The following RSU1 variants were observed in gnomAD, a reference collection of about 807,000 sequenced individuals.
The protein encoded by RSU1 is rsu-1.
RSU1 carries 26 observed loss-of-function variants against 31.1 expected under a neutral mutation model. That is an observed-to-expected ratio of 0.84 (90% CI 0.61 to 1.16). RSU1 has a LOEUF of 1.16. RSU1 is among the 50% of genes most tolerant of loss of function. RSU1 has a pLI of 0.00. For missense variants in RSU1, 320 were observed against 339.1 expected, an observed-to-expected ratio of 0.94 and a Z score of 0.44; for synonymous variants, 164 against 136.3, an observed-to-expected ratio of 1.20 and a Z score of -1.41.
At chr10:16,604,702 G>A (rs1275669194) in intron 8 of RSU1, among the ~76,000 whole-genome samples, 6 of 152,084 alleles carry the variant, frequency 3.9e-5, no homozygotes, top group East Asian at 1.9e-4. Flanking sequence ...TTTAAATACC[G>A]TGATGTGACT....
rs561479869 is a variant in RSU1 at position 16,815,127 on chromosome 10, G to A, written c.109+1846C>T. ...TAATGACCATGGTCATGGCAGAGCC[G>A]GGCAGGCGCAGCAAGGGGCAAACTC... On this transcript the variant is annotated intron_variant, in intron 2 of 8. Coordinates refer to ENST00000345264, the MANE Select transcript of RSU1 (RefSeq NM_012425.4). Among the ~76,000 whole-genome samples the A allele has an allele frequency of 1.4e-4, 22 of 152,294 alleles. 1 individual carries two copies. Among genetic ancestry groups the A allele is most frequent in the East Asian group, 1.2e-3 (6 of 5,184 alleles).
At chr10:16,755,066 C>A in intron 4 of RSU1, 77 bp from the exon 5 acceptor site, 1 of 804,268 alleles carries the variant, frequency 1.2e-6, no homozygotes, top group South Asian at 1.6e-5. Flanking sequence ...ACCTCTGTTT[C>A]AGACGCTGAA....
intron 8 of RSU1, among the ~76,000 whole-genome samples, chr10:16,668,323 C>T (rs1835038679): frequency 6.6e-6 from 1 of 152,172 alleles, no homozygotes; most frequent in African/African-American, 2.4e-5. Flanking sequence ...GACCTAAAAT[C>T]TGCAGAACAG....
At chr10:16,630,725 T>G (rs1030212246) in intron 8 of RSU1, among the ~76,000 whole-genome samples, 1 of 152,228 alleles carries the variant, frequency 6.6e-6, no homozygotes, top group African/African-American at 2.4e-5. Context: ...TATTTCTTCC[T>G]GGGTGGTACT....
At chr10:16,772,534 T>G (rs1837441050) in intron 3 of RSU1, among the ~76,000 whole-genome samples, 1 of 150,590 alleles carries the variant, frequency 6.6e-6, no homozygotes, top group African/African-American at 2.5e-5. Context: ...GAAATGGCAT[T>G]CAGTGGCCTG....
At chr10:16,653,016 C>T (rs113996742) in intron 8 of RSU1, among the ~76,000 whole-genome samples, 1 of 151,878 alleles carries the variant, frequency 6.6e-6, no homozygotes, top group Non-Finnish European at 1.5e-5. Context: ...ACATAGAGAA[C>T]AGAAAAATAT....
rs1225631423 is a variant in RSU1, at chr10:16,646,030, ATG to A, written c.731+48991_731+48992del. The stretch of plus-strand genomic sequence containing the variant: ...TGTATATACATATATGTGTATATAT[ATG>A]TGTATATACATATATGTGTATATAT... On this transcript the variant is annotated intron_variant, in intron 8 of 8. Coordinates refer to ENST00000345264, the MANE Select transcript of RSU1 (RefSeq NM_012425.4). Among the ~76,000 whole-genome samples, 2 of 75,968 alleles carry A rather than the reference ATG, an allele frequency of 2.6e-5. 1 individual carries two copies. The highest frequency in any genetic ancestry group is 4.8e-5 in the Non-Finnish European group (2 of 42,088). The allele number at this position is 75,968 out of a possible 152,430, so 49.8% of individuals were successfully genotyped here.
Position 16,667,046 on chromosome 10 carries a change from A to ACAG in RSU1, c.731+27976_731+27977insCTG, listed in dbSNP as rs1835005890. Among the ~76,000 whole-genome samples, 4 of 151,922 alleles carry ACAG rather than the reference A, an allele frequency of 2.6e-5. No homozygotes were observed. The South Asian group carries it at 8.3e-4, about 32-fold the overall frequency. ...AGCAAAACAAACAACAACAACAACA[A>ACAG]CAACAACAAAAAACAAAGAAAAAAA... On this transcript the variant is annotated intron_variant, in intron 8 of 8. Transcript: ENST00000345264.
chr10:16,653,959 C>G (rs1489657672), intron 8 of RSU1, among the ~76,000 whole-genome samples: 1 of 152,010 alleles, frequency 6.6e-6, no homozygotes, highest in Admixed American at 6.6e-5. Context: ...CCATACACCC[C>G]CAAGTAACCC....
At chr10:16,660,069 G>C (rs1834860523) in intron 8 of RSU1, among the ~76,000 whole-genome samples, 1 of 152,214 alleles carries the variant, frequency 6.6e-6, no homozygotes, top group African/African-American at 2.4e-5. Context: ...GATAGAGATA[G>C]TGTCTCTCTG....
intron 2 of RSU1, among the ~76,000 whole-genome samples, chr10:16,790,414 G>T (rs574350353): frequency 6.6e-6 from 1 of 152,166 alleles, no homozygotes; most frequent in Non-Finnish European, 1.5e-5. Flanking sequence ...CACCTAACAC[G>T]CTAGGTATAA....
At chr10:16,738,801 C>T (rs1380520303) in intron 7 of RSU1, among the ~76,000 whole-genome samples, 1 of 152,128 alleles carries the variant, frequency 6.6e-6, no homozygotes, top group East Asian at 1.9e-4. Context: ...ATCAACCCAT[C>T]AACTAGGTTT....
intron 7 of RSU1, among the ~76,000 whole-genome samples, chr10:16,739,466 CTTTTTTTTTT>C (rs35664560): frequency 5.3e-5 from 5 of 94,242 alleles, no homozygotes; most frequent in Admixed American, 1.4e-4. Context: ...CATTTTCTTC[CTTTTTTTTTT>C]TTTTTTTTTT....
intron 7 of RSU1, among the ~76,000 whole-genome samples, chr10:16,707,316 A>G (rs771409568): frequency 2.6e-5 from 4 of 151,994 alleles, no homozygotes; most frequent in Non-Finnish European, 5.9e-5. Context: ...GGATCTCCAT[A>G]CTCTTTTCCA....
At chr10:16,695,868 C>G (rs1835663692) in intron 7 of RSU1, among the ~76,000 whole-genome samples, 1 of 152,114 alleles carries the variant, frequency 6.6e-6, no homozygotes, top group African/African-American at 2.4e-5. Context: ...TCTCATACAC[C>G]TTCTACAGTG....
intron 7 of RSU1, among the ~76,000 whole-genome samples, chr10:16,744,977 A>C (rs1468038954): frequency 6.6e-6 from 1 of 152,148 alleles, no homozygotes; most frequent in Non-Finnish European, 1.5e-5. Context: ...CACAGGATAC[A>C]CTGACCAATC....
intron 8 of RSU1, among the ~76,000 whole-genome samples, chr10:16,598,849 T>C (rs1023725345): frequency 2.0e-5 from 3 of 152,188 alleles, no homozygotes; most frequent in Non-Finnish European, 4.4e-5. Flanking sequence ...GGTGAGCCTC[T>C]CTGGGCCTGA....
At chr10:16,811,658 G>C (rs1421138213) in intron 2 of RSU1, among the ~76,000 whole-genome samples, 3 of 152,184 alleles carry the variant, frequency 2.0e-5, no homozygotes, top group Non-Finnish European at 2.9e-5. Flanking sequence ...TTTCAATGAA[G>C]CATTTCCAGT....
rs140756094 is a variant in RSU1, at chr10:16,700,452, G to T, written c.599-5297C>A. Among the ~76,000 whole-genome samples the T allele has an allele frequency of 2.6e-3, 397 of 152,210 alleles. 4 individuals are homozygous for T. Among genetic ancestry groups the T allele is most frequent in the African/African-American group, 9.2e-3 (383 of 41,538 alleles). ...ATCGAGATGGGACATAATAACAGCT[G>T]AAAGATCACCTCTTCTCTGCGGCGA... is the stretch of plus-strand genomic sequence containing the variant. On this transcript the variant is annotated intron_variant, in intron 7 of 8. Transcript: ENST00000345264.
Sources: gnomAD v4.1 joint callset for allele counts (sites outside exome capture counted in the v4.1 genomes callset) on GRCh38, gnomAD v4.1.1 for gene constraint, MANE v1.5 for transcripts, NCBI Gene and HGNC (gene_info 2026-07-23, HGNC 2026-07-21) for gene names.